The following HLTF variants were observed in gnomAD, a reference collection of about 807,000 sequenced individuals.
HLTF encodes DNA-dependent ATPase/E3 ubiquitin-protein ligase HLTF.
HLTF carries 127 observed loss-of-function variants against 129.4 expected under a neutral mutation model. The ratio of observed to expected loss-of-function variants is 0.98; its 90% confidence interval spans 0.85 to 1.14. The LOEUF (loss-of-function observed/expected upper bound fraction) is 1.14. Ranked by LOEUF, HLTF falls within the 50% of genes most tolerant of loss-of-function variation. The pLI is 0.00. For missense variants in HLTF, 1,139 were observed against 1,187.1 expected, an observed-to-expected ratio of 0.96 and a Z score of 0.60; for synonymous variants, 332 against 388.8, an observed-to-expected ratio of 0.85 and a Z score of 1.72.
chr3:149,055,217 C>T (rs1181763654), intron 14 of HLTF, 86 bp downstream of exon 14: 1 of 857,368 alleles, frequency 1.2e-6, no homozygotes, highest in Non-Finnish European at 1.9e-6. Flanking sequence ...ATATTTACCC[C>T]AATGAATGAC....
intron 14 of HLTF, chr3:149,052,273 C>A (rs530326412): frequency 4.0e-5 from 6 of 150,290 alleles, no homozygotes; most frequent in Non-Finnish European, 8.9e-5. Context: ...TTTTAAAATA[C>A]TCTTTTTAAA....
rs1715017828 is a variant in HLTF at position 149,031,335 on chromosome 3, A to G, written c.*885T>C. ...ATCATCCAGCCCAACTTCCATCCAG[A>G]TATCACGCCTCTCACATATAGTAGT... On this transcript the variant is annotated 3_prime_UTR_variant, in exon 25 of 25. Transcript: ENST00000310053. 6.6e-6 allele frequency: 1 copy of G among 152,632 alleles called. No homozygotes were observed. Among genetic ancestry groups the G allele is most frequent in the Admixed American group, 6.5e-5 (1 of 15,278 alleles). The allele number at this position is 152,632 out of a possible 1,614,324, so 9.5% of individuals were successfully genotyped here. A position where few individuals can be genotyped will look rare whatever the true frequency, so the allele number is the denominator to read the frequency against.
rs1240138235 is a variant in HLTF at position 149,075,115 on chromosome 3, ATAAAT to A, written c.395+761_395+765del. 2.6e-5 allele frequency among the ~76,000 whole-genome samples: 4 copies of A among 152,344 alleles called. No individual in the cohort carries two copies. In the East Asian group the frequency reaches 7.7e-4, roughly 29 times the overall value. ...AAATAAGTTTTTTGTATTTAAGAAA[ATAAAT>A]TAATATGTATAAAATGCGGACTTAG... is the stretch of plus-strand genomic sequence containing the variant. On this transcript the variant is annotated intron_variant, in intron 3 of 24. Transcript: ENST00000310053.
intron 13 of HLTF, among the ~76,000 whole-genome samples, chr3:149,057,088 C>T (rs1272691622): frequency 2.9e-5 from 3 of 103,610 alleles, no homozygotes; most frequent in East Asian, 3.1e-4. Flanking sequence ...CCAGCCTGGG[C>T]GACAGCGAGA....
chr3:149,066,529 A>AT lies in HLTF; in HGVS notation c.991-1664dup, dbSNP rs775984967. Among the ~76,000 whole-genome samples the AT allele has an allele frequency of 3.6e-3, 511 of 143,034 alleles. 4 individuals carry two copies. Among genetic ancestry groups the AT allele is most frequent in the South Asian group, 9.4e-3 (42 of 4,452 alleles). The allele number at this position is 143,034 out of a possible 152,430, so 93.8% of individuals were successfully genotyped here. On this transcript the variant is annotated intron_variant, in intron 8 of 24. Transcript: ENST00000310053. Reference sequence around the variant, plus strand: ...TCTAAACATACTTGAAAGAGTGACAATTTTTTTTTTTTTTTTAATAAATCC... The same window carrying AT: ...TCTAAACATACTTGAAAGAGTGACAATTTTTTTTTTTTTTTTTAATAAATCC...
At chr3:149,066,438 A>G (rs1381862794) in intron 8 of HLTF, among the ~76,000 whole-genome samples, 1 of 152,202 alleles carries the variant, frequency 6.6e-6, no homozygotes, top group African/African-American at 2.4e-5. Flanking sequence ...AAGCTGGATG[A>G]AATAATAGTA....
At chr3:149,086,184 T>C in intron 1 of HLTF, 133 bp downstream of exon 1, 2 of 968,232 alleles carry the variant, frequency 2.1e-6, no homozygotes, top group Admixed American at 2.0e-5. Context: ...GGCGGCCACA[T>C]ATGCGACCAA....
Position 149,084,709 on chromosome 3 carries a change from C to A in HLTF, c.201G>T (p.Val67=). The A allele has an allele frequency of 6.2e-7, 1 of 1,613,778 alleles. No homozygotes were observed. The highest frequency in any genetic ancestry group is 8.5e-7 in the Non-Finnish European group (1 of 1,179,712). Residue 67 remains valine, a synonymous_variant, in exon 2 of 25, where the codon GTG becomes GTT. Transcript: ENST00000310053. ...CTCCCGTGTAATAGCGTAGTCCAAC[C>A]ACATGACCTCTCAAACTTCCAAATA... is the stretch of plus-strand genomic sequence containing the variant. ...SVLFGSLRGH[V]VGLRYYTGVV... is the part of the protein sequence containing the mutation.
intron 4 of HLTF, among the ~76,000 whole-genome samples, chr3:149,073,938 T>G (rs1719093756): frequency 6.6e-6 from 1 of 152,108 alleles, no homozygotes; most frequent in Non-Finnish European, 1.5e-5. Flanking sequence ...TTAGGGAAAA[T>G]TAGGGGAGGG....
intron 17 of HLTF, among the ~76,000 whole-genome samples, chr3:149,046,518 CG>C (rs1298410238): frequency 2.0e-5 from 3 of 152,014 alleles, no homozygotes; most frequent in Non-Finnish European, 4.4e-5. Flanking sequence ...TCCTTATTTT[CG>C]TAAGTTCTGT....
At chr3:149,061,185 T>C (rs1717912149) in intron 10 of HLTF, among the ~76,000 whole-genome samples, 2 of 152,104 alleles carry the variant, frequency 1.3e-5, no homozygotes, top group Admixed American at 6.6e-5. Flanking sequence ...TCATCCCGCC[T>C]TAGCCTCGGG....
intron 14 of HLTF, among the ~76,000 whole-genome samples, chr3:149,050,754 A>G (rs904207022): frequency 1.3e-4 from 20 of 152,214 alleles, no homozygotes; most frequent in African/African-American, 4.8e-5. Flanking sequence ...CAATATTTCC[A>G]AGGATGTGGG....
At chr3:149,039,818 T>G (rs975996271) in intron 21 of HLTF, 125 bp from the exon 22 acceptor site, 10 of 674,478 alleles carry the variant, frequency 1.5e-5, no homozygotes, top group Non-Finnish European at 2.1e-5. Context: ...ACTACTCATT[T>G]AAAACAAAAA....
At chr3:149,057,064 T>C (rs1294004319) in intron 13 of HLTF, among the ~76,000 whole-genome samples, 17 of 122,508 alleles carry the variant, frequency 1.4e-4, no homozygotes, top group African/African-American at 4.2e-4. Context: ...GAGCCGAGAT[T>C]GCGCCACTGC....
intron 2 of HLTF, among the ~76,000 whole-genome samples, 165 bp downstream of exon 2, chr3:149,084,517 G>T (rs867895917): frequency 6.6e-6 from 1 of 152,214 alleles, no homozygotes; most frequent in South Asian, 2.1e-4. Flanking sequence ...CTGGGAGGCT[G>T]AGGTGGGAGG....
Position 149,086,322 on chromosome 3 carries a change from G to A in HLTF, c.15C>T (p.Phe5=). The A allele has an allele frequency of 6.2e-7, 1 of 1,601,838 alleles. No individual in the cohort carries two copies. MSWM[F]KRDPVWKYLQ... ...ACCCCCTCCGCCCCCTTCACCTCTT[G>A]AACATCCAGGACATGGCGCTGAGTG... The change falls in exon 1 of 25, where the codon TTC becomes TTT. Residue 5 remains phenylalanine (F), a synonymous_variant. Coordinates refer to ENST00000310053, the MANE Select transcript of HLTF (RefSeq NM_003071.4).
At chr3:149,079,638 G>T (rs569619963) in intron 2 of HLTF, among the ~76,000 whole-genome samples, 2 of 152,064 alleles carry the variant, frequency 1.3e-5, no homozygotes, top group Admixed American at 1.3e-4. Flanking sequence ...CTGTCACCAG[G>T]CTGGAGTACA....
intron 4 of HLTF, 81 bp downstream of exon 4, chr3:149,074,134 A>G: frequency 2.2e-6 from 3 of 1,378,726 alleles, no homozygotes; most frequent in Non-Finnish European, 2.9e-6. Flanking sequence ...ATTAGCCAAC[A>G]AACTCCAAGA....
At chr3:149,032,907 A>G (rs181912043) in intron 24 of HLTF, among the ~76,000 whole-genome samples, 58 of 150,990 alleles carry the variant, frequency 3.8e-4, no homozygotes, top group South Asian at 2.1e-4. Context: ...AGCTTGCAGT[A>G]AGCCGACATT....
Sources: gnomAD v4.1 joint callset for allele counts (sites outside exome capture counted in the v4.1 genomes callset) on GRCh38, gnomAD v4.1.1 for gene constraint, MANE v1.5 for transcripts, NCBI Gene and HGNC (gene_info 2026-07-23, HGNC 2026-07-21) for gene names.